USP32: variants seen among roughly 807,000 people sequenced by gnomAD.
The protein encoded by USP32 is ubiquitin carboxyl-terminal hydrolase 32.
Under a neutral mutation model 204.8 loss-of-function variants are expected in USP32, and 59 were observed. The observed-to-expected ratio is 0.29, with a 90% CI of 0.23 to 0.36. USP32 has a LOEUF of 0.36. USP32 is among the 10% of genes least tolerant of loss of function. USP32 has a pLI of 1.00. For synonymous variants in USP32, 517 were observed against 678.4 expected, an observed-to-expected ratio of 0.76 and a Z score of 3.70; for missense variants, 1,160 against 1,946.4, an observed-to-expected ratio of 0.60 and a Z score of 7.60.
intron 1 of USP32, among the ~76,000 whole-genome samples, chr17:60,399,855 A>G (rs575782305): frequency 6.6e-6 from 1 of 152,308 alleles, no homozygotes; most frequent in South Asian, 2.1e-4. Flanking sequence ...CAAGGAAGCA[A>G]GTGTGCCTGC....
intron 11 of USP32, among the ~76,000 whole-genome samples, chr17:60,249,946 T>C (rs978837431): frequency 1.3e-5 from 2 of 148,476 alleles, no homozygotes; most frequent in Admixed American, 1.3e-4. Context: ...CTTTAAAAAT[T>C]ATCACAGTCA....
At position 60,413,512 on chromosome 17, in the gene USP32, T is replaced by A. The variant is rs181497896; in HGVS notation, c.106+8734A>T. On this transcript the variant is annotated intron_variant, in intron 1 of 3. Coordinates refer to the USP32 transcript ENST00000588898. Reference sequence around the variant, plus strand: ...AGGGAGGACAGGTGGATTAAAAAAATTTTGATTTCTAATTGGTTAAGAGGC... The same window carrying A: ...AGGGAGGACAGGTGGATTAAAAAAAATTTGATTTCTAATTGGTTAAGAGGC... Among the ~76,000 whole-genome samples, 14 of 152,240 alleles carry A rather than the reference T, an allele frequency of 9.2e-5. No individual in the cohort carries two copies. In the East Asian group the frequency reaches 9.6e-4, roughly 10 times the overall value.
chr17:60,388,898 T>C (rs913352129), intron 1 of USP32, among the ~76,000 whole-genome samples: 1 of 152,220 alleles, frequency 6.6e-6, no homozygotes, highest in Non-Finnish European at 1.5e-5. Context: ...GTGTTATCTG[T>C]CATTAACATA....
intron 14 of USP32, among the ~76,000 whole-genome samples, chr17:60,223,058 A>C (rs1018226285): frequency 1.3e-5 from 2 of 152,208 alleles, no homozygotes; most frequent in African/African-American, 2.4e-5. Context: ...AACTCAAAGC[A>C]TATCATTTGG....
At chr17:60,373,416 A>G (rs1487422479) in intron 1 of USP32, among the ~76,000 whole-genome samples, 1 of 151,450 alleles carries the variant, frequency 6.6e-6, no homozygotes, top group Non-Finnish European at 1.5e-5. Flanking sequence ...TTTTTCTTCA[A>G]TAATAAATTA....
At chr17:60,355,745 A>G (rs537944944) in intron 1 of USP32, among the ~76,000 whole-genome samples, 29 of 149,062 alleles carry the variant, frequency 1.9e-4, no homozygotes, top group African/African-American at 5.9e-4. Flanking sequence ...CTAAGGTGGG[A>G]GGATCACTAG....
At chr17:60,213,297 G>T (rs1420975705) in intron 18 of USP32, among the ~76,000 whole-genome samples, 1 of 152,170 alleles carries the variant, frequency 6.6e-6, no homozygotes, top group Non-Finnish European at 1.5e-5. Flanking sequence ...AACTATAAAT[G>T]TGTAAACTGA....
intron 5 of USP32, among the ~76,000 whole-genome samples, chr17:60,280,494 C>T (rs906511251): frequency 7.2e-5 from 11 of 152,148 alleles, no homozygotes; most frequent in African/African-American, 2.7e-4. Flanking sequence ...TATGATTAAA[C>T]GTGGCAGTGT....
chr17:60,333,307 A>T (rs1273124202), intron 2 of USP32, among the ~76,000 whole-genome samples: 2 of 152,234 alleles, frequency 1.3e-5, no homozygotes, highest in African/African-American at 4.8e-5. Context: ...TGTTATTAAG[A>T]AAATCATAAA....
intron 1 of USP32, among the ~76,000 whole-genome samples, chr17:60,366,984 C>T (rs151050590): frequency 1.3e-5 from 2 of 152,170 alleles, no homozygotes; most frequent in African/African-American, 4.8e-5. Context: ...CCACCACACC[C>T]AGCTAATTTT....
intron 2 of USP32, among the ~76,000 whole-genome samples, chr17:60,320,191 C>A (rs2088079391): frequency 6.6e-6 from 1 of 152,058 alleles, no homozygotes; most frequent in Non-Finnish European, 1.5e-5. Context: ...TAGAATGAAA[C>A]CAATTTTACC....
chr17:60,228,728 G>T (rs1179615528), intron 12 of USP32, among the ~76,000 whole-genome samples: 3 of 151,902 alleles, frequency 2.0e-5, no homozygotes. Flanking sequence ...AGAGGCTGAG[G>T]TGGGAGGATG....
chr17:60,304,331 GA>G (rs1487365765), intron 2 of USP32, among the ~76,000 whole-genome samples: 1 of 150,638 alleles, frequency 6.6e-6, no homozygotes, highest in African/African-American at 2.4e-5. Context: ...CTTTCAAAAA[GA>G]AAAGATATTT....
At chr17:60,307,226 A>G (rs1390632802) in intron 2 of USP32, among the ~76,000 whole-genome samples, 1 of 151,674 alleles carries the variant, frequency 6.6e-6, no homozygotes, top group Non-Finnish European at 1.5e-5. Context: ...CAGCCTCCCG[A>G]GTAGCTGGGA....
chr17:60,326,156 T>C (rs1014937269), intron 2 of USP32, among the ~76,000 whole-genome samples: 3 of 150,194 alleles, frequency 2.0e-5, no homozygotes, highest in African/African-American at 7.6e-5. Context: ...GTCACTTTGA[T>C]AAAATAAGTA....
At chr17:60,233,022 A>G (rs1408628004) in intron 12 of USP32, among the ~76,000 whole-genome samples, 1 of 152,192 alleles carries the variant, frequency 6.6e-6, no homozygotes, top group Non-Finnish European at 1.5e-5. Context: ...CTCATTGTTC[A>G]TATGTGAAAA....
chr17:60,234,541 C>T (rs2085666683), intron 12 of USP32, among the ~76,000 whole-genome samples: 1 of 151,524 alleles, frequency 6.6e-6, no homozygotes, highest in African/African-American at 2.4e-5. Flanking sequence ...TCCTGGCTAA[C>T]ACAGTGAAGC....
intron 1 of USP32, among the ~76,000 whole-genome samples, chr17:60,386,709 G>C (rs2089737816): frequency 6.6e-6 from 1 of 152,138 alleles, no homozygotes; most frequent in South Asian, 2.1e-4. Context: ...AACAAGAGCT[G>C]TCCAGTTTGG....
intron 12 of USP32, among the ~76,000 whole-genome samples, chr17:60,230,058 C>G (rs1020103444): frequency 9.2e-5 from 14 of 152,218 alleles, no homozygotes; most frequent in Non-Finnish European, 7.3e-5. Flanking sequence ...AGGTGATCCA[C>G]CTGCCTTGGC....
Sources: allele counts gnomAD v4.1 joint callset (sites outside exome capture counted in the v4.1 genomes callset), GRCh38; gene constraint gnomAD v4.1.1; transcripts MANE v1.5; gene names NCBI Gene and HGNC (gene_info 2026-07-23, HGNC 2026-07-21).